Variants in EFR3A observed in about 807,000 individuals in gnomAD.
EFR3A encodes protein EFR3 homolog A.
EFR3A carries 76 observed loss-of-function variants against 104.4 expected under a neutral mutation model. The observed-to-expected ratio is 0.73, with a 90% CI of 0.60 to 0.88. The LOEUF (loss-of-function observed/expected upper bound fraction) is 0.88, where lower values mean the gene tolerates loss of function less well. Among genes scored for constraint, EFR3A ranks in the 40% least tolerant of loss-of-function variants. The pLI is 0.00. For synonymous variants in EFR3A, 330 were observed against 330.0 expected, an observed-to-expected ratio of 1.00 and a Z score of 0.00; for missense variants, 985 against 1,012.5, an observed-to-expected ratio of 0.97 and a Z score of 0.37.
chr8:131,916,591 A>G (rs1282316054), intron 1 of EFR3A, among the ~76,000 whole-genome samples: 2 of 152,220 alleles, frequency 1.3e-5, no homozygotes, highest in Non-Finnish European at 2.9e-5. Flanking sequence ...TAGAGGCTAA[A>G]GAAGCTGAGG....
chr8:131,923,493 T>C (rs1035814240), intron 1 of EFR3A, among the ~76,000 whole-genome samples: 6 of 151,318 alleles, frequency 4.0e-5, no homozygotes, highest in African/African-American at 1.2e-4. Context: ...TCTGGGAAAA[T>C]GTCAGGGTGT....
intron 22 of EFR3A, among the ~76,000 whole-genome samples, chr8:132,004,088 T>C (rs1428500260): frequency 6.6e-6 from 1 of 152,216 alleles, no homozygotes; most frequent in Non-Finnish European, 1.5e-5. Context: ...TTTCAGTCTT[T>C]TTTCTGCTTT....
chr8:131,918,277 ACT>A (rs1319392281), intron 1 of EFR3A, among the ~76,000 whole-genome samples: 1 of 152,060 alleles, frequency 6.6e-6, no homozygotes, highest in Non-Finnish European at 1.5e-5. Context: ...ACAGAGCAAG[ACT>A]CTGTCTCAAC....
chr8:131,988,965 T>C (rs899073266), intron 18 of EFR3A, among the ~76,000 whole-genome samples: 2 of 152,152 alleles, frequency 1.3e-5, no homozygotes, highest in African/African-American at 2.4e-5. Flanking sequence ...TAATGAAAGC[T>C]CTGGTACTTT....
chr8:132,003,170 A>G (rs928706030), intron 21 of EFR3A, 66 bp from the exon 22 acceptor site: 10 of 1,231,810 alleles, frequency 8.1e-6, no homozygotes, highest in Admixed American at 1.9e-5. Flanking sequence ...CTTAAGTTAC[A>G]TTGATATTAT....
intron 1 of EFR3A, among the ~76,000 whole-genome samples, chr8:131,908,537 A>G (rs1816364503): frequency 6.6e-6 from 1 of 152,156 alleles, no homozygotes; most frequent in South Asian, 2.1e-4. Flanking sequence ...CTTTACCTGA[A>G]TTATCTTCTT....
intron 1 of EFR3A, among the ~76,000 whole-genome samples, chr8:131,926,133 A>G (rs1441373570): frequency 1.3e-5 from 2 of 152,178 alleles, no homozygotes; most frequent in East Asian, 1.9e-4. Context: ...GACTAGCTTC[A>G]TGTTATAAAA....
chr8:131,915,486 G>A (rs911622107), intron 1 of EFR3A, among the ~76,000 whole-genome samples: 1 of 152,186 alleles, frequency 6.6e-6, no homozygotes, highest in African/African-American at 2.4e-5. Flanking sequence ...GCTGGCTGGA[G>A]AATACAGAGG....
Position 131,989,873 on chromosome 8 carries a change from A to G in EFR3A, c.2065+2171A>G, listed in dbSNP as rs573232105. ...TGAACTATTGATGCCTGGCATCATCATAATGTGGTTGATAAATGTTAGCTG... is the reference window on the plus strand; with the variant it reads ...TGAACTATTGATGCCTGGCATCATCGTAATGTGGTTGATAAATGTTAGCTG... On this transcript the variant is annotated intron_variant, in intron 18 of 22. Transcript: ENST00000254624. 1.8e-3 allele frequency among the ~76,000 whole-genome samples: 280 copies of G among 152,336 alleles called. 2 individuals are homozygous for G. The highest frequency in any genetic ancestry group is 6.5e-3 in the African/African-American group (272 of 41,588).
intron 1 of EFR3A, among the ~76,000 whole-genome samples, chr8:131,921,181 T>G (rs1817001514): frequency 6.6e-6 from 1 of 152,218 alleles, no homozygotes; most frequent in South Asian, 2.1e-4. Context: ...ATTGTCTCAC[T>G]ATTCTGGAGG....
intron 1 of EFR3A, among the ~76,000 whole-genome samples, chr8:131,922,708 T>G (rs552850157): frequency 1.3e-5 from 2 of 152,274 alleles, no homozygotes; most frequent in South Asian, 4.1e-4. Context: ...GTGTGACAGC[T>G]GAGAACTCTC....
At chr8:131,986,739 C>G (rs1262268884) in intron 17 of EFR3A, among the ~76,000 whole-genome samples, 3 of 145,546 alleles carry the variant, frequency 2.1e-5, no homozygotes, top group African/African-American at 5.1e-5. Flanking sequence ...GAGCCAAGAT[C>G]ACACCACTGC....
chr8:131,978,567 C>T (rs989331326), intron 12 of EFR3A, among the ~76,000 whole-genome samples: 7 of 152,134 alleles, frequency 4.6e-5, no homozygotes, highest in African/African-American at 1.7e-4. Flanking sequence ...GTCTACCTTA[C>T]AGGGATATGG....
intron 1 of EFR3A, among the ~76,000 whole-genome samples, chr8:131,925,500 T>C (rs1442342065): frequency 6.6e-6 from 1 of 152,110 alleles, no homozygotes; most frequent in African/African-American, 2.4e-5. Context: ...CAGAGAATTA[T>C]ATAAAAATGA....
chr8:131,932,013 A>C (rs116133638), intron 1 of EFR3A, among the ~76,000 whole-genome samples: 1 of 152,208 alleles, frequency 6.6e-6, no homozygotes, highest in Non-Finnish European at 1.5e-5. Context: ...AGCCACTCTC[A>C]AAATGCCAAA....
chr8:131,976,507 T>G (rs1461406554), intron 11 of EFR3A, among the ~76,000 whole-genome samples: 1 of 152,166 alleles, frequency 6.6e-6, no homozygotes, highest in Admixed American at 6.5e-5. Context: ...CTGAAAGTAA[T>G]TTTAAAGATT....
chr8:131,984,273 T>A lies in EFR3A; in HGVS notation c.1710T>A (p.Asp570Glu). The change falls in exon 15 of 23, where the codon GAT becomes GAA. Residue 570 changes from aspartate (D) to glutamate (E), a missense_variant. Transcript: ENST00000254624. ...TGGCTAATGAAGAAGTAGTTATTGA[T>A]CTCATTCGACTGGCCATTGCTTTAC... ...IELANEEVVI[D>E]LIRLAIALQD... 6.2e-7 allele frequency: 1 copy of A among 1,605,824 alleles called. No individual in the cohort carries two copies.
chr8:131,924,714 C>T (rs28673533), intron 1 of EFR3A, among the ~76,000 whole-genome samples: 3,437 of 152,186 alleles, frequency 0.023, 64 homozygotes, highest in Middle Eastern at 0.071. Flanking sequence ...GAAACTTGTC[C>T]TAATCAGTCC....
Position 131,912,213 on chromosome 8 carries a change from C to T in EFR3A, c.10+7891C>T, listed in dbSNP as rs185443930. Among the ~76,000 whole-genome samples, 8 of 152,278 alleles carry T rather than the reference C, an allele frequency of 5.3e-5. No individual in the cohort carries two copies. In the East Asian group the frequency reaches 1.5e-3, roughly 29 times the overall value. On this transcript the variant is annotated intron_variant, in intron 1 of 22. Coordinates refer to ENST00000254624, the MANE Select transcript of EFR3A (RefSeq NM_015137.6). ...ATAATGGTGTGGTACTAGAACCCAG[C>T]TCATCTGAATCCTGGGTGGGTGTGC... is the stretch of plus-strand genomic sequence containing the variant.
Sources: gnomAD v4.1 joint callset for allele counts (sites outside exome capture counted in the v4.1 genomes callset) on GRCh38, gnomAD v4.1.1 for gene constraint, MANE v1.5 for transcripts, NCBI Gene and HGNC (gene_info 2026-07-23, HGNC 2026-07-21) for gene names.